The following PTPN12 variants were observed in gnomAD, a reference collection of about 807,000 sequenced individuals.
PTPN12 encodes the protein tyrosine-protein phosphatase non-receptor type 12.
PTPN12 carries 29 observed loss-of-function variants against 97.6 expected under a neutral mutation model. That is an observed-to-expected ratio of 0.30 (90% CI 0.22 to 0.41). The LOEUF is 0.41. Among genes scored for constraint, PTPN12 ranks in the 10% least tolerant of loss-of-function variants. The pLI, the probability that PTPN12 is intolerant of heterozygous loss-of-function variation, is 1.00. For missense variants in PTPN12, 819 were observed against 926.0 expected, an observed-to-expected ratio of 0.88 and a Z score of 1.50; for synonymous variants, 327 against 300.4, an observed-to-expected ratio of 1.09 and a Z score of -0.91.
chr7:77,613,066 C>T (rs916982305), intron 11 of PTPN12, among the ~76,000 whole-genome samples: 41 of 151,648 alleles, frequency 2.7e-4, no homozygotes, highest in African/African-American at 8.7e-4. Context: ...CCACTGCACC[C>T]GGCCAAACAT....
intron 5 of PTPN12, among the ~76,000 whole-genome samples, chr7:77,587,566 G>A (rs1226670340): frequency 6.6e-6 from 1 of 152,178 alleles, no homozygotes; most frequent in East Asian, 1.9e-4. Flanking sequence ...GATTTTTAGA[G>A]CCCTTAGGAT....
intron 5 of PTPN12, among the ~76,000 whole-genome samples, chr7:77,590,192 G>T (rs1039342149): frequency 1.6e-4 from 24 of 152,138 alleles, no homozygotes; most frequent in African/African-American, 4.8e-4. Flanking sequence ...ATGTATGTAT[G>T]ATATTTAACA....
intron 4 of PTPN12, 132 bp downstream of exon 4, chr7:77,583,782 A>G (rs1048420944): frequency 1.3e-5 from 7 of 537,284 alleles, no homozygotes; most frequent in Non-Finnish European, 2.2e-5. Flanking sequence ...ATGTTTACTA[A>G]AAAGATGGAC....
intron 12 of PTPN12, among the ~76,000 whole-genome samples, chr7:77,620,290 C>G (rs901853892): frequency 2.6e-5 from 4 of 152,124 alleles, no homozygotes; most frequent in African/African-American, 9.7e-5. Flanking sequence ...AAAAGTTTTA[C>G]TTCTGTTACT....
chr7:77,623,389 G>A (rs1029768059), intron 12 of PTPN12, among the ~76,000 whole-genome samples: 3 of 152,286 alleles, frequency 2.0e-5, no homozygotes, highest in African/African-American at 2.4e-5. Flanking sequence ...GGATATATGG[G>A]GTTTGTTAAT....
chr7:77,574,789 A>G (rs1196398654), intron 2 of PTPN12, among the ~76,000 whole-genome samples: 1 of 152,086 alleles, frequency 6.6e-6, no homozygotes, highest in Non-Finnish European at 1.5e-5. Flanking sequence ...TTAAAGTTTG[A>G]TAAGTAGGTC....
At chr7:77,560,886 C>T (rs1807967067) in intron 1 of PTPN12, among the ~76,000 whole-genome samples, 1 of 151,788 alleles carries the variant, frequency 6.6e-6, no homozygotes, top group African/African-American at 2.4e-5. Context: ...GTTCGAGACC[C>T]TGCTTTCCGT....
At chr7:77,566,264 A>C (rs1047414659) in intron 1 of PTPN12, among the ~76,000 whole-genome samples, 1 of 152,246 alleles carries the variant, frequency 6.6e-6, no homozygotes, top group African/African-American at 2.4e-5. Context: ...TGGACAGGCA[A>C]CATTCAACAT....
rs183470847 is a variant in PTPN12 at position 77,538,323 on chromosome 7, A to G, written c.99+678A>G. ...AGGTGGTCTTGGGGTCCGTGTGACT[A>G]TAGGTTCAGGGGATAAGTGTGGGTG... On this transcript the variant is annotated intron_variant, in intron 1 of 17. Transcript: ENST00000248594. Among the ~76,000 whole-genome samples, 1,126 of 151,580 alleles carry G rather than the reference A, an allele frequency of 7.4e-3. 8 individuals are homozygous for G. The highest frequency in any genetic ancestry group is 0.013 in the Non-Finnish European group (879 of 67,882).
chr7:77,612,943 T>C (rs190830653), intron 11 of PTPN12, among the ~76,000 whole-genome samples: 8 of 151,166 alleles, frequency 5.3e-5, no homozygotes, highest in African/African-American at 1.9e-4. Flanking sequence ...AGCTAATTTT[T>C]GTATTTTTAG....
intron 2 of PTPN12, among the ~76,000 whole-genome samples, chr7:77,571,893 A>G (rs1424357008): frequency 6.6e-6 from 1 of 152,066 alleles, no homozygotes; most frequent in Non-Finnish European, 1.5e-5. Context: ...TGGCAAGATA[A>G]CTTTAACTCT....
At chr7:77,546,013 C>T (rs1315067016) in intron 1 of PTPN12, among the ~76,000 whole-genome samples, 1 of 152,098 alleles carries the variant, frequency 6.6e-6, no homozygotes, top group African/African-American at 2.4e-5. Flanking sequence ...CTCACTGCAA[C>T]CTCCGCCTCC....
At chr7:77,539,961 G>C (rs972024639) in intron 1 of PTPN12, among the ~76,000 whole-genome samples, 1 of 152,176 alleles carries the variant, frequency 6.6e-6, no homozygotes, top group South Asian at 2.1e-4. Flanking sequence ...TTACAGGCGT[G>C]AGCCACCATG....
chr7:77,597,921 A>G lies in PTPN12; in HGVS notation c.552+20A>G. On this transcript the variant is annotated intron_variant, in intron 7 of 17. Transcript: ENST00000248594. ...CAAAATGTAGGTACTTACCATTTAT[A>G]GACTATCTGTAAGAATAGTTTTCAG... 1 of 1,610,404 alleles carries G rather than the reference A, an allele frequency of 6.2e-7. No homozygotes were observed. The highest frequency in any genetic ancestry group is 8.5e-7 in the Non-Finnish European group (1 of 1,178,716).
intron 1 of PTPN12, among the ~76,000 whole-genome samples, chr7:77,558,848 A>C (rs1264110701): frequency 3.3e-5 from 5 of 152,116 alleles, no homozygotes; most frequent in Non-Finnish European, 5.9e-5. Flanking sequence ...ATCTCTACAA[A>C]ACATTTTTAA....
intron 9 of PTPN12, among the ~76,000 whole-genome samples, chr7:77,607,714 T>TA (rs1359038747): frequency 1.3e-5 from 2 of 152,176 alleles, no homozygotes; most frequent in African/African-American, 2.4e-5. Context: ...TATAAACTGT[T>TA]ACTGACTTTT....
intron 13 of PTPN12, 29 bp downstream of exon 13, chr7:77,627,704 G>A (rs1408377264): frequency 6.6e-7 from 1 of 1,507,518 alleles, no homozygotes; most frequent in East Asian, 2.3e-5. Flanking sequence ...ATACTTAAAT[G>A]TCTTTCCTAT....
At chr7:77,550,150 T>C (rs970660362) in intron 1 of PTPN12, among the ~76,000 whole-genome samples, 1 of 152,186 alleles carries the variant, frequency 6.6e-6, no homozygotes, top group Admixed American at 6.5e-5. Context: ...TCTATTTGCC[T>C]ACTCACCTTT....
intron 1 of PTPN12, among the ~76,000 whole-genome samples, chr7:77,539,242 C>G (rs1308321836): frequency 1.3e-5 from 2 of 152,196 alleles, no homozygotes; most frequent in African/African-American, 4.8e-5. Flanking sequence ...CTTTGTGATT[C>G]CCGCCTCCCC....
Sources: gnomAD v4.1 joint callset for allele counts (sites outside exome capture counted in the v4.1 genomes callset) on GRCh38, gnomAD v4.1.1 for gene constraint, MANE v1.5 for transcripts, NCBI Gene and HGNC (gene_info 2026-07-23, HGNC 2026-07-21) for gene names.